The following NEDD4L variants were observed in gnomAD, a reference collection of about 807,000 sequenced individuals.
The protein encoded by NEDD4L is E3 ubiquitin-protein ligase NEDD4-like.
In NEDD4L, 54 loss-of-function variants were observed where a neutral mutation model predicts 148.9. That is an observed-to-expected ratio of 0.36 (90% CI 0.29 to 0.45). NEDD4L has a LOEUF of 0.45. Ranked by LOEUF, NEDD4L falls within the 20% of genes least tolerant of loss-of-function variation. NEDD4L has a pLI of 1.00. For synonymous variants in NEDD4L, 433 were observed against 440.7 expected (o/e 0.98, Z 0.22); for missense variants, 856 against 1,233.8 (o/e 0.69, Z 4.59).
In NEDD4L at chr18:58,243,764, T is replaced by A. The variant is rs114795959; in HGVS notation, c.123-1663T>A. Among the ~76,000 whole-genome samples the A allele has an allele frequency of 4.5e-3, 687 of 152,278 alleles. 2 individuals carry two copies. Among genetic ancestry groups the A allele is most frequent in the African/African-American group, 0.014 (599 of 41,554 alleles). The stretch of plus-strand genomic sequence containing the variant: ...AGTAGGTGCATCCGCTTAGATGTTA[T>A]TTAACCAAATAAAGGTTTACAGCTT... On this transcript the variant is annotated intron_variant, in intron 2 of 30. Transcript: ENST00000400345.
rs12457076 is a variant in NEDD4L, at chr18:58,226,597, T to C, written c.123-18830T>C. On this transcript the variant is annotated intron_variant, in intron 2 of 30. Coordinates refer to ENST00000400345, the MANE Select transcript of NEDD4L (RefSeq NM_001144967.3). Reference sequence around the variant, plus strand: ...AAAGCTTTTCTGTCTTTTCTGAGCTTCTCAAGTGAGCAGGGGCATGAGTTC... The same window carrying C: ...AAAGCTTTTCTGTCTTTTCTGAGCTCCTCAAGTGAGCAGGGGCATGAGTTC... Among the ~76,000 whole-genome samples, 3 of 152,156 alleles carry C rather than the reference T, an allele frequency of 2.0e-5. No homozygotes were observed. In the East Asian group the frequency reaches 5.8e-4, roughly 29 times the overall value.
chr18:58,140,991 G>A (rs1480020384), intron 1 of NEDD4L, among the ~76,000 whole-genome samples: 1 of 152,210 alleles, frequency 6.6e-6, no homozygotes, highest in Non-Finnish European at 1.5e-5. Flanking sequence ...ACAGACGTGG[G>A]TTTGAGACCC....
chr18:58,344,851 T>C (rs1293292299), intron 16 of NEDD4L, among the ~76,000 whole-genome samples: 1 of 152,162 alleles, frequency 6.6e-6, no homozygotes, highest in Non-Finnish European at 1.5e-5. Context: ...GGCTAACGAA[T>C]ATAAAAGTAG....
intron 5 of NEDD4L, among the ~76,000 whole-genome samples, chr18:58,264,649 AT>A (rs1230041139): frequency 6.6e-6 from 1 of 152,026 alleles, no homozygotes; most frequent in Admixed American, 6.6e-5. Context: ...CACTGCAGAC[AT>A]TTGTGGCATC....
At chr18:58,254,829 G>T (rs570858462) in intron 5 of NEDD4L, among the ~76,000 whole-genome samples, 3 of 152,248 alleles carry the variant, frequency 2.0e-5, no homozygotes, top group African/African-American at 7.2e-5. Flanking sequence ...GTAGCAAGTC[G>T]GGCCCCCTCC....
At chr18:58,046,697 T>G (rs7239483) in intron 1 of NEDD4L, 137,694 of 152,228 alleles carry the variant, frequency 0.9, 62,355 homozygotes, top group East Asian at 1. Context: ...GTAAACAGAG[T>G]CCGAGTGTGT....
intron 5 of NEDD4L, among the ~76,000 whole-genome samples, chr18:58,264,078 A>G (rs2049866384): frequency 6.6e-6 from 1 of 152,166 alleles, no homozygotes; most frequent in South Asian, 2.1e-4. Flanking sequence ...TTAAGTTGTA[A>G]TAAAACTTTA....
rs767464773 is a variant in NEDD4L at position 58,328,981 on chromosome 18, T to C, written c.681-14T>C. The C allele has an allele frequency of 6.2e-7, 1 of 1,613,926 alleles. No individual in the cohort carries two copies. Among genetic ancestry groups the C allele is most frequent in the Non-Finnish European group, 8.5e-7 (1 of 1,179,822 alleles). ...ACTTCTCTTCTTCTCTTTCCCCCTT[T>C]CCTGCATGCTCAGGGACGTGTCCTC... is the stretch of plus-strand genomic sequence containing the variant. On this transcript the variant is annotated splice_polypyrimidine_tract_variant and intron_variant, in intron 9 of 30. Coordinates refer to ENST00000400345, the MANE Select transcript of NEDD4L (RefSeq NM_001144967.3).
Position 58,335,675 on chromosome 18 carries a change from T to G in NEDD4L, c.1125+138T>G. The G allele has an allele frequency of 7.2e-6, 5 of 690,244 alleles. No homozygotes were observed. In the South Asian group the frequency reaches 8.2e-5, roughly 11 times the overall value. The allele number at this position is 690,244 out of a possible 1,614,324, so 42.8% of individuals were successfully genotyped here. ...TACAGAGCTGCACACGTTTCTTATT[T>G]TAAGCTTCTCATTTGGGGATTGTTT... On this transcript the variant is annotated intron_variant, in intron 13 of 30. Coordinates refer to ENST00000400345, the MANE Select transcript of NEDD4L (RefSeq NM_001144967.3).
At chr18:58,395,220 G>C (rs745468679) in intron 30 of NEDD4L, among the ~76,000 whole-genome samples, 1 of 152,168 alleles carries the variant, frequency 6.6e-6, no homozygotes, top group African/African-American at 2.4e-5. Flanking sequence ...ATACACATCA[G>C]CAATCACCCC....
intron 26 of NEDD4L, among the ~76,000 whole-genome samples, chr18:58,386,343 G>A (rs1315181282): frequency 2.6e-5 from 4 of 152,130 alleles, no homozygotes; most frequent in African/African-American, 4.8e-5. Context: ...GAGCCGCCGC[G>A]CCCAGCCATG....
At chr18:58,134,602 G>C (rs1490225694) in intron 1 of NEDD4L, among the ~76,000 whole-genome samples, 1 of 2,702 alleles carries the variant, frequency 3.7e-4, no homozygotes, top group Non-Finnish European at 7.1e-4. Flanking sequence ...TCGATCTCCT[G>C]ACCTCGTGAT....
chr18:58,357,346 A>G, intron 19 of NEDD4L, 94 bp downstream of exon 19: 1 of 1,102,930 alleles, frequency 9.1e-7, no homozygotes, highest in Non-Finnish European at 1.4e-6. Context: ...ATGTCAAGGG[A>G]CAACGGTGAT....
chr18:58,287,580 A>G (rs1320971356), intron 5 of NEDD4L, among the ~76,000 whole-genome samples: 3 of 152,212 alleles, frequency 2.0e-5, no homozygotes, highest in Non-Finnish European at 2.9e-5. Flanking sequence ...ACTTTTGTTC[A>G]TACTGCTTTT....
At position 58,389,063 on chromosome 18, in the gene NEDD4L, A is replaced by G. The variant is rs773311492; in HGVS notation, c.2548-22A>G. ...CGCACCTTTCACATCCTGCTTTTACATCTGGTAAATTTTCTTCCTAGTTGC... is the reference window on the plus strand; with the variant it reads ...CGCACCTTTCACATCCTGCTTTTACGTCTGGTAAATTTTCTTCCTAGTTGC... On this transcript the variant is annotated intron_variant, in intron 27 of 30. Transcript: ENST00000400345. 2.4e-5 allele frequency: 38 copies of G among 1,597,070 alleles called. No homozygotes were observed. In the South Asian group the frequency reaches 3.8e-4, roughly 16 times the overall value.
At chr18:58,362,453 T>C (rs1255597034) in intron 19 of NEDD4L, among the ~76,000 whole-genome samples, 1 of 152,174 alleles carries the variant, frequency 6.6e-6, no homozygotes, top group Admixed American at 6.5e-5. Context: ...AGAAACTCCT[T>C]AGTAGAGAGG....
chr18:58,073,131 G>C (rs1331010667), intron 1 of NEDD4L, among the ~76,000 whole-genome samples: 1 of 151,996 alleles, frequency 6.6e-6, no homozygotes, highest in Non-Finnish European at 1.5e-5. Flanking sequence ...CATGTTCACG[G>C]ATTAGAAGAC....
At chr18:58,120,754 T>C (rs1409438805) in intron 1 of NEDD4L, among the ~76,000 whole-genome samples, 1 of 152,184 alleles carries the variant, frequency 6.6e-6, no homozygotes, top group Non-Finnish European at 1.5e-5. Context: ...CACTCCAACC[T>C]GGGTGACAGA....
intron 2 of NEDD4L, chr18:58,195,504 C>T: frequency 1.5e-6 from 2 of 1,344,540 alleles, no homozygotes; most frequent in Non-Finnish European, 9.8e-7. Context: ...GGGTGGGTGG[C>T]TGCGCAGGGC....
Sources: gnomAD v4.1 joint callset for allele counts (sites outside exome capture counted in the v4.1 genomes callset) on GRCh38, gnomAD v4.1.1 for gene constraint, MANE v1.5 for transcripts, NCBI Gene and HGNC (gene_info 2026-07-23, HGNC 2026-07-21) for gene names.